CCDC7: variants seen among roughly 807,000 people sequenced by gnomAD.
CCDC7 encodes coiled-coil domain-containing protein 7.
Under a neutral mutation model 196.9 loss-of-function variants are expected in CCDC7, and 183 were observed. The ratio of observed to expected loss-of-function variants is 0.93; its 90% confidence interval spans 0.82 to 1.05. The LOEUF (loss-of-function observed/expected upper bound fraction) is 1.05, where lower values mean the gene tolerates loss of function less well. Among genes scored for constraint, CCDC7 ranks in the 50% least tolerant of loss-of-function variants. The pLI, the probability that CCDC7 is intolerant of heterozygous loss-of-function variation, is 0.00. For missense variants in CCDC7, 1,540 were observed against 1,482.2 expected (o/e 1.04, Z -0.64); for synonymous variants, 525 against 484.6 (o/e 1.08, Z -1.10).
In CCDC7 at chr10:32,583,092, C is replaced by T; in HGVS notation, c.1513C>T (p.Gln505Ter). 1 of 1,231,284 alleles carries T rather than the reference C, an allele frequency of 8.1e-7. No individual in the cohort carries two copies. Among genetic ancestry groups the T allele is most frequent in the Non-Finnish European group, 1.0e-6 (1 of 987,384 alleles). 76.3% of individuals were successfully genotyped at this position (1,231,284 alleles called of 1,614,324 possible). A position where few individuals can be genotyped will look rare whatever the true frequency, so the allele number is the denominator to read the frequency against. The change falls in exon 17 of 42, where the codon CAA (glutamine) becomes TAA (stop). Residue 505 changes from glutamine to a stop codon, truncating the protein, a stop_gained. Transcript: ENST00000639629. LOFTEE classifies it high-confidence loss of function. ...AGATCTTTCACAGATCCTTAAGTCTCAAGATGAATCAGCATTTTTAGAGAG... is the reference window on the plus strand; with the variant it reads ...AGATCTTTCACAGATCCTTAAGTCTTAAGATGAATCAGCATTTTTAGAGAG...
intron 18 of CCDC7, among the ~76,000 whole-genome samples, chr10:32,600,461 G>A: frequency 6.6e-6 from 1 of 152,002 alleles, no homozygotes; most frequent in African/African-American, 2.4e-5. Flanking sequence ...TCTTTTTGGA[G>A]GAGTCTTTAG....
intron 18 of CCDC7, among the ~76,000 whole-genome samples, chr10:32,626,813 T>C (rs1422122847): frequency 2.0e-5 from 3 of 152,052 alleles, no homozygotes; most frequent in South Asian, 2.1e-4. Context: ...AGACTATCCT[T>C]TCCCCATTGT....
At chr10:32,591,411 T>A (rs990056356) in intron 18 of CCDC7, among the ~76,000 whole-genome samples, 1 of 151,988 alleles carries the variant, frequency 6.6e-6, no homozygotes, top group Non-Finnish European at 1.5e-5. Context: ...TTAAGTGTTA[T>A]TAGCTGCAAA....
chr10:32,803,473 AT>A (rs2085212087), intron 29 of CCDC7, among the ~76,000 whole-genome samples: 1 of 152,016 alleles, frequency 6.6e-6, no homozygotes, highest in Non-Finnish European at 1.5e-5. Flanking sequence ...CTCTGGATTG[AT>A]TTCTATATCA....
At chr10:32,877,495 A>G (rs1030563246), downstream of CCDC7, among the ~76,000 whole-genome samples, 1 of 152,080 alleles carries the variant, frequency 6.6e-6, no homozygotes, top group Non-Finnish European at 1.5e-5. Context: ...GTTTTAGTGT[A>G]GTATGGAAGA....
intron 21 of CCDC7, among the ~76,000 whole-genome samples, chr10:32,672,698 T>G (rs1278085271): frequency 6.6e-6 from 1 of 152,174 alleles, no homozygotes; most frequent in African/African-American, 2.4e-5. Flanking sequence ...GCATGGCTGA[T>G]GCCCATAGCC....
intron 30 of CCDC7, among the ~76,000 whole-genome samples, chr10:32,813,992 T>G (rs980885622): frequency 6.6e-6 from 1 of 152,182 alleles, no homozygotes; most frequent in African/African-American, 2.4e-5. Flanking sequence ...AGAGTCTCGC[T>G]GTGTCACCGG....
At chr10:32,530,667 C>T (rs144380654) in intron 11 of CCDC7, among the ~76,000 whole-genome samples, 13 of 151,930 alleles carry the variant, frequency 8.6e-5, no homozygotes, top group African/African-American at 2.9e-4. Context: ...GGGGTTGACT[C>T]TAGGTTTTTC....
intron 9 of CCDC7, chr10:32,511,262 G>GGA (rs1564506120): frequency 8.3e-6 from 4 of 480,096 alleles, no homozygotes; most frequent in South Asian, 2.5e-5. Flanking sequence ...TGTGGGGGGC[G>GGA]GGGGGGGCGG....
At chr10:32,741,448 C>T (rs1029137168) in intron 28 of CCDC7, among the ~76,000 whole-genome samples, 1 of 152,126 alleles carries the variant, frequency 6.6e-6, no homozygotes, top group East Asian at 1.9e-4. Context: ...CCAGGACCAC[C>T]CCTTCATACA....
chr10:32,595,043 T>A (rs966142699), intron 18 of CCDC7, among the ~76,000 whole-genome samples: 1 of 152,208 alleles, frequency 6.6e-6, no homozygotes, highest in African/African-American at 2.4e-5. Flanking sequence ...GGCTTTGGTA[T>A]CAGGATGATG....
chr10:32,550,751 G>A lies in CCDC7; in HGVS notation c.1134+6450G>A, dbSNP rs2053346103. ...CCCTGCATCCCTGGTATGAAACCCA[G>A]TTGATCATGGTGGACTATCTTTTTG... is the stretch of plus-strand genomic sequence containing the variant. On this transcript the variant is annotated intron_variant, in intron 13 of 41. Transcript: ENST00000639629. 2.6e-5 allele frequency among the ~76,000 whole-genome samples: 4 copies of A among 152,008 alleles called. No individual in the cohort carries two copies. In the South Asian group the frequency reaches 8.3e-4, roughly 31 times the overall value.
At chr10:32,689,111 A>G (rs41306316) in exon 23 of CCDC7, 35 of 1,608,950 alleles carry the variant, frequency 2.2e-5, no homozygotes, top group Non-Finnish European at 3.0e-5. Context: ...CAATGTCAAA[A>G]TCAGAAATGC....
chr10:32,810,189 A>T (rs2086778395), intron 30 of CCDC7, among the ~76,000 whole-genome samples: 1 of 152,174 alleles, frequency 6.6e-6, no homozygotes. Context: ...AAGTTCTCAC[A>T]TATCAATATT....
intron 11 of CCDC7, among the ~76,000 whole-genome samples, chr10:32,531,276 C>T (rs977520821): frequency 9.2e-5 from 14 of 152,074 alleles, no homozygotes; most frequent in African/African-American, 3.4e-4. Context: ...GTGTGTGCCA[C>T]CATGCCTGGC....
At chr10:32,807,761 TCACA>T (rs926845744) in intron 30 of CCDC7, among the ~76,000 whole-genome samples, 5 of 151,036 alleles carry the variant, frequency 3.3e-5, no homozygotes, top group Admixed American at 1.3e-4. Context: ...CTCATGTGAG[TCACA>T]CACACACACC....
At chr10:32,633,100 G>C (rs960133074) in intron 18 of CCDC7, among the ~76,000 whole-genome samples, 1 of 152,134 alleles carries the variant, frequency 6.6e-6, no homozygotes, top group Non-Finnish European at 1.5e-5. Context: ...GATTGGGCAT[G>C]AAAGTTCACA....
intron 24 of CCDC7, among the ~76,000 whole-genome samples, chr10:32,702,595 G>T (rs1315383982): frequency 6.6e-6 from 1 of 152,144 alleles, no homozygotes; most frequent in East Asian, 1.9e-4. Flanking sequence ...CTGTCTCGTT[G>T]ATCTGTCTAA....
chr10:32,729,441 A>G (rs779815819), exon 28 of CCDC7: 9 of 1,267,388 alleles, frequency 7.1e-6, no homozygotes, highest in Non-Finnish European at 1.0e-5. Flanking sequence ...TTCAAGCTAA[A>G]GTAACTTCAA....
Sources: gnomAD v4.1 joint callset for allele counts (sites outside exome capture counted in the v4.1 genomes callset) on GRCh38, gnomAD v4.1.1 for gene constraint, MANE v1.5 for transcripts, NCBI Gene and HGNC (gene_info 2026-07-23, HGNC 2026-07-21) for gene names.